Variants in D2HGDH observed in about 807,000 individuals in gnomAD.
D2HGDH encodes the protein D-2-hydroxyglutarate dehydrogenase.
In D2HGDH, 31 loss-of-function variants were observed where a neutral mutation model predicts 46.9. That is an observed-to-expected ratio of 0.66 (90% CI 0.50 to 0.89). The LOEUF is 0.89. Ranked by LOEUF, D2HGDH falls within the 40% of genes least tolerant of loss-of-function variation. The pLI is 0.00. For missense variants in D2HGDH, 698 were observed against 720.8 expected (o/e 0.97, Z 0.36); for synonymous variants, 364 against 332.6 (o/e 1.09, Z -1.03).
At chr2:241,764,349 CAG>C (rs1320891617) in intron 9 of D2HGDH, among the ~76,000 whole-genome samples, 1 of 152,242 alleles carries the variant, frequency 6.6e-6, no homozygotes, top group Non-Finnish European at 1.5e-5. Context: ...GGAGAAATAA[CAG>C]AGGCTCATGA....
rs1242013679 is a variant in D2HGDH, at chr2:241,768,133, C to T, written c.*164C>T. 3.8e-5 allele frequency: 42 copies of T among 1,101,190 alleles called. No homozygotes were observed. The highest frequency in any genetic ancestry group is 2.1e-4 in the East Asian group (8 of 38,164). 68.2% of individuals were successfully genotyped at this position (1,101,190 alleles called of 1,614,324 possible). Reference sequence around the variant, plus strand: ...TGGGGAACTGCCGGACGCAGGCCCTCGGGCAGGAGCATCTGGCAGAGTGGG... The same window carrying T: ...TGGGGAACTGCCGGACGCAGGCCCTTGGGCAGGAGCATCTGGCAGAGTGGG... On this transcript the variant is annotated 3_prime_UTR_variant, in exon 10 of 10. Transcript: ENST00000321264.
At chr2:241,751,670 C>T (rs1391225600) in intron 8 of D2HGDH, among the ~76,000 whole-genome samples, 2 of 152,258 alleles carry the variant, frequency 1.3e-5, no homozygotes, top group Admixed American at 6.5e-5. Flanking sequence ...TGCTGGTCCC[C>T]TGCAGCCTGT....
At chr2:241,735,690 C>A (rs1692580954) in intron 2 of D2HGDH, among the ~76,000 whole-genome samples, 174 bp downstream of exon 2, 1 of 152,248 alleles carries the variant, frequency 6.6e-6, no homozygotes, top group African/African-American at 2.4e-5. Flanking sequence ...ACGAACGAGT[C>A]GCTTAGAACA....
rs147949069 is a variant in D2HGDH, at chr2:241,739,463, T to G, written c.293-1570T>G. 8.3e-3 allele frequency among the ~76,000 whole-genome samples: 1,264 copies of G among 152,326 alleles called. 17 individuals carry two copies. Among genetic ancestry groups the G allele is most frequent in the African/African-American group, 0.029 (1,204 of 41,568 alleles). Reference sequence around the variant, plus strand: ...GCCCAGCAGGCCCCTCTGCAAAAATTGCTCATTTGATGAAAGAGACATAAG... The same window carrying G: ...GCCCAGCAGGCCCCTCTGCAAAAATGGCTCATTTGATGAAAGAGACATAAG... On this transcript the variant is annotated intron_variant, in intron 2 of 9. Transcript: ENST00000321264.
chr2:241,738,638 T>G (rs987759950), intron 2 of D2HGDH, among the ~76,000 whole-genome samples: 1 of 152,230 alleles, frequency 6.6e-6, no homozygotes, highest in Non-Finnish European at 1.5e-5. Flanking sequence ...GGGCAAGAAC[T>G]GGCTGTCCCC....
chr2:241,744,460 G>A (rs1575232761), intron 5 of D2HGDH, among the ~76,000 whole-genome samples: 1 of 152,372 alleles, frequency 6.6e-6, no homozygotes, highest in East Asian at 1.9e-4. Flanking sequence ...GGGTCCAGAG[G>A]TGGCTGGGTC....
Position 241,767,843 on chromosome 2 carries a change from C to T in D2HGDH, c.1440C>T (p.Phe480=), listed in dbSNP as rs770273448. 6.2e-7 allele frequency: 1 copy of T among 1,612,004 alleles called. No homozygotes were observed. The highest frequency in any genetic ancestry group is 1.3e-5 in the African/African-American group (1 of 74,862). ...TCAGCGCGGAGCACGGAGTGGGCTT[C>T]AGGAAGAGGGACGTCCTGGGCTACA... ...GSVSAEHGVG[F]RKRDVLGYSK... Residue 480 remains phenylalanine, a synonymous_variant, in exon 10 of 10, where the codon TTC becomes TTT. Coordinates refer to ENST00000321264, the MANE Select transcript of D2HGDH (RefSeq NM_152783.5).
In D2HGDH at chr2:241,768,379, G is replaced by A. The variant is rs568821876; in HGVS notation, c.*410G>A. The A allele has an allele frequency of 1.8e-3, 363 of 205,128 alleles. 1 individual carries two copies. The highest frequency in any genetic ancestry group is 4.1e-3 in the Middle Eastern group (2 of 482). 12.7% of individuals were successfully genotyped at this position (205,128 alleles called of 1,614,324 possible). ...CCCCGGGCATGCGTGGGCAGCGGGG[G>A]GCATGCGTGGGCAGCAGGGGGCGTG... is the stretch of plus-strand genomic sequence containing the variant. On this transcript the variant is annotated 3_prime_UTR_variant, in exon 10 of 10. Transcript: ENST00000321264.
chr2:241,767,959 G>A lies in D2HGDH; in HGVS notation c.1556G>A (p.Ser519Asn). Residue 519 changes from serine (S) to asparagine (N), a missense_variant, in exon 10 of 10, where the codon AGC becomes AAC. Transcript: ENST00000321264. ...CTCAACCCCTACAAGACGCTGCCCA[G>A]CCAGGCCTGACGGCCACTCCTGCTG... ...GILNPYKTLPSQA is the reference protein window; with the variant it reads ...GILNPYKTLPNQA The A allele has an allele frequency of 6.3e-7, 1 of 1,592,082 alleles. No individual in the cohort carries two copies. Among genetic ancestry groups the A allele is most frequent in the South Asian group, 1.1e-5 (1 of 88,880 alleles).
At chr2:241,744,972 A>AC (rs368566208) in intron 6 of D2HGDH, 95 bp downstream of exon 6, 41,521 of 1,299,082 alleles carry the variant, frequency 0.032, 637 homozygotes, top group East Asian at 0.25. Flanking sequence ...GGATGGAGGG[A>AC]CCCCCCGCCA....
rs1199393935 is a variant in D2HGDH, at chr2:241,743,008, C to A, written c.490+434C>A. Among the ~76,000 whole-genome samples, 1 of 88,646 alleles carries A rather than the reference C, an allele frequency of 1.1e-5. No individual in the cohort carries two copies. Among genetic ancestry groups the A allele is most frequent in the Non-Finnish European group, 2.0e-5 (1 of 49,812 alleles). 58.2% of individuals were successfully genotyped at this position (88,646 alleles called of 152,430 possible). A position where few individuals can be genotyped will look rare whatever the true frequency, so the allele number is the denominator to read the frequency against. On this transcript the variant is annotated intron_variant, in intron 4 of 9. Transcript: ENST00000321264. This position sits in a 1 kb window ranked among gnomAD's most constrained non-coding sequence, Gnocchi z 4.8. ...CAGAGCGTGGCAGGCATGAGGGGAT[C>A]CTGACCCAGGGCGCCAGGGCGTGGC... is the stretch of plus-strand genomic sequence containing the variant.
At chr2:241,756,485 T>C (rs6733823) in intron 9 of D2HGDH, among the ~76,000 whole-genome samples, 92,858 of 152,160 alleles carry the variant, frequency 0.61, 30,969 homozygotes, top group African/African-American at 0.9. Context: ...CTTTAACGTG[T>C]AAGCTATTAA....
At chr2:241,744,317 G>A (rs557111503) in intron 5 of D2HGDH, among the ~76,000 whole-genome samples, 16 of 152,292 alleles carry the variant, frequency 1.1e-4, no homozygotes, top group Admixed American at 7.8e-4. Context: ...TTTTTTTCTG[G>A]CCAGCCACTG....
rs530890437 is a variant in D2HGDH, at chr2:241,749,615, A to G, written c.854-536A>G. On this transcript the variant is annotated intron_variant, in intron 6 of 9. Transcript: ENST00000321264. ...GTGCTGATTGTGTTAAGAGAAATGC[A>G]GCCATTCCCAAAGGCTGCCTGTTGC... 463 of 317,736 alleles carry G rather than the reference A, an allele frequency of 1.5e-3. 3 individuals carry two copies. The highest frequency in any genetic ancestry group is 5.1e-3 in the South Asian group (192 of 37,986). The allele number at this position is 317,736 out of a possible 1,614,324, so 19.7% of individuals were successfully genotyped here.
intron 9 of D2HGDH, among the ~76,000 whole-genome samples, chr2:241,760,039 T>G (rs1365558553): frequency 6.7e-6 from 1 of 150,342 alleles, no homozygotes; most frequent in Non-Finnish European, 1.5e-5. Flanking sequence ...GTCGAAGGAC[T>G]TCGCCACAGC....
At chr2:241,760,643 A>T (rs1234944190) in intron 9 of D2HGDH, among the ~76,000 whole-genome samples, 2 of 151,522 alleles carry the variant, frequency 1.3e-5, no homozygotes, top group African/African-American at 4.9e-5. Context: ...CCTTTGCCAC[A>T]GTGTGGGTGG....
chr2:241,744,123 C>A (rs2125085131), intron 5 of D2HGDH, among the ~76,000 whole-genome samples: 1 of 152,308 alleles, frequency 6.6e-6, no homozygotes, highest in Middle Eastern at 3.4e-3. Context: ...TGAAGGAAGG[C>A]TCATCCAGGG....
intron 2 of D2HGDH, 116 bp downstream of exon 2, chr2:241,735,632 C>A: frequency 4.9e-6 from 7 of 1,415,480 alleles, no homozygotes; most frequent in Non-Finnish European, 5.8e-6. Context: ...CCCCTGGCTG[C>A]GCTGAGAGGG....
chr2:241,735,996 C>T (rs1298072136), intron 2 of D2HGDH: 2 of 175,596 alleles, frequency 1.1e-5, no homozygotes, highest in Non-Finnish European at 2.4e-5. Flanking sequence ...CTCTTGACCT[C>T]GTGATCCGTC....
Sources: allele counts gnomAD v4.1 joint callset (sites outside exome capture counted in the v4.1 genomes callset), GRCh38; gene constraint gnomAD v4.1.1; non-coding constraint Gnocchi (gnomAD v3.1); transcripts MANE v1.5; gene names NCBI Gene and HGNC (gene_info 2026-07-23, HGNC 2026-07-21).